Variants in FCHSD2 observed in about 807,000 individuals in gnomAD.
FCHSD2 encodes the protein FCH and double SH3 domains 2.
Under a neutral mutation model 108.1 loss-of-function variants are expected in FCHSD2, and 38 were observed. The observed-to-expected ratio is 0.35, with a 90% CI of 0.27 to 0.46. The LOEUF is 0.46. Among genes scored for constraint, FCHSD2 ranks in the 20% least tolerant of loss-of-function variants. The pLI is 1.00. For missense variants in FCHSD2, 751 were observed against 897.8 expected, an observed-to-expected ratio of 0.84 and a Z score of 2.09; for synonymous variants, 279 against 314.7, an observed-to-expected ratio of 0.89 and a Z score of 1.20.
At chr11:73,106,417 A>G (rs191184885) in intron 2 of FCHSD2, among the ~76,000 whole-genome samples, 6 of 151,928 alleles carry the variant, frequency 3.9e-5, no homozygotes, top group Middle Eastern at 3.4e-3. Flanking sequence ...AAAAAAAAAA[A>G]AAAAAGAAAA....
chr11:73,083,099 G>A (rs1291210090), intron 3 of FCHSD2, among the ~76,000 whole-genome samples: 3 of 152,196 alleles, frequency 2.0e-5, no homozygotes, highest in Admixed American at 2.0e-4. Flanking sequence ...AGAGAATGGG[G>A]CATATAAAGA....
At chr11:73,092,810 ATACAG>A (rs1262567012) in intron 2 of FCHSD2, among the ~76,000 whole-genome samples, 1 of 152,182 alleles carries the variant, frequency 6.6e-6, no homozygotes, top group African/African-American at 2.4e-5. Flanking sequence ...GCATCGGAGT[ATACAG>A]TAAAGGATTA....
chr11:73,093,255 C>G (rs1859998425), intron 2 of FCHSD2, among the ~76,000 whole-genome samples: 1 of 152,174 alleles, frequency 6.6e-6, no homozygotes, highest in Admixed American at 6.5e-5. Flanking sequence ...CACCTCTTCC[C>G]TTGGCTGATT....
intron 10 of FCHSD2, among the ~76,000 whole-genome samples, chr11:72,897,291 G>A (rs1322485299): frequency 2.1e-5 from 3 of 146,178 alleles, no homozygotes; most frequent in South Asian, 2.2e-4. Context: ...TCAACCAACC[G>A]TGGATCAAAA....
chr11:73,129,329 G>T (rs1860936623), intron 2 of FCHSD2, among the ~76,000 whole-genome samples: 1 of 152,182 alleles, frequency 6.6e-6, no homozygotes, highest in Admixed American at 6.5e-5. Flanking sequence ...GGCCTGTTAG[G>T]AACTGGGACA....
intron 8 of FCHSD2, among the ~76,000 whole-genome samples, chr11:72,955,657 C>T (rs1856698587): frequency 6.6e-6 from 1 of 152,128 alleles, no homozygotes; most frequent in Admixed American, 6.5e-5. Flanking sequence ...TCCTATGACC[C>T]AGGAAACTCC....
chr11:73,133,015 A>G (rs1861039540), intron 2 of FCHSD2, among the ~76,000 whole-genome samples: 1 of 152,228 alleles, frequency 6.6e-6, no homozygotes, highest in South Asian at 2.1e-4. Flanking sequence ...ACATGAAAAA[A>G]TGCTCACCAT....
intron 8 of FCHSD2, among the ~76,000 whole-genome samples, chr11:72,959,605 G>A (rs1232237476): frequency 6.6e-6 from 1 of 152,078 alleles, no homozygotes; most frequent in Non-Finnish European, 1.5e-5. Flanking sequence ...TCTACAGTCA[G>A]TCAGGTGCCA....
At chr11:73,021,689 C>A (rs1858109104) in intron 3 of FCHSD2, among the ~76,000 whole-genome samples, 3 of 151,984 alleles carry the variant, frequency 2.0e-5, no homozygotes, top group Non-Finnish European at 4.4e-5. Flanking sequence ...CAAACCTGTA[C>A]ATGTTACCCA....
chr11:72,974,358 G>A (rs976682446), intron 8 of FCHSD2, among the ~76,000 whole-genome samples: 1 of 152,158 alleles, frequency 6.6e-6, no homozygotes, highest in Non-Finnish European at 1.5e-5. Flanking sequence ...TCACAACAAT[G>A]GCAATAATCC....
intron 2 of FCHSD2, among the ~76,000 whole-genome samples, chr11:73,139,110 G>C (rs1861187970): frequency 6.6e-6 from 1 of 152,080 alleles, no homozygotes. Context: ...CTAAATATAG[G>C]AGAGGAAAAA....
intron 2 of FCHSD2, among the ~76,000 whole-genome samples, chr11:73,128,398 T>C (rs1619988): frequency 6.6e-6 from 1 of 152,238 alleles, no homozygotes; most frequent in East Asian, 1.9e-4. Flanking sequence ...CTACCTTTTT[T>C]GTTTGTTGGC....
At chr11:73,002,669 T>C (rs1243073866) in intron 4 of FCHSD2, among the ~76,000 whole-genome samples, 2 of 152,208 alleles carry the variant, frequency 1.3e-5, no homozygotes, top group African/African-American at 4.8e-5. Context: ...CCTTCATCCA[T>C]GTTCTTCTCT....
Position 73,038,347 on chromosome 11 carries a change from GAAAA to G in FCHSD2, c.166-22466_166-22463del, listed in dbSNP as rs112268354. Among the ~76,000 whole-genome samples, 5 of 99,334 alleles carry G rather than the reference GAAAA, an allele frequency of 5.0e-5. No individual in the cohort carries two copies. The East Asian group carries it at 1.5e-3, about 29-fold the overall frequency. The allele number at this position is 99,334 out of a possible 152,430, so 65.2% of individuals were successfully genotyped here. A position where few individuals can be genotyped will look rare whatever the true frequency, so the allele number is the denominator to read the frequency against. On this transcript the variant is annotated intron_variant, in intron 3 of 19. Coordinates refer to ENST00000409418, the MANE Select transcript of FCHSD2 (RefSeq NM_014824.3). The stretch of plus-strand genomic sequence containing the variant: ...ACAGAGTAAGACCCTGTCTCTTTAA[GAAAA>G]AAAAAAAAAAAGGAAAAGAAATTCT...
intron 3 of FCHSD2, among the ~76,000 whole-genome samples, chr11:73,065,805 A>G (rs894969709): frequency 1.3e-5 from 2 of 152,216 alleles, no homozygotes; most frequent in Non-Finnish European, 2.9e-5. Context: ...AGGGATGTGA[A>G]GGACCTCTTC....
chr11:72,995,912 A>T (rs1424600674), intron 5 of FCHSD2, among the ~76,000 whole-genome samples: 1 of 152,164 alleles, frequency 6.6e-6, no homozygotes, highest in Non-Finnish European at 1.5e-5. Flanking sequence ...TTAAAAAGTT[A>T]ATTTTTACTG....
At chr11:72,993,101 T>C (rs1297279461) in intron 5 of FCHSD2, among the ~76,000 whole-genome samples, 1 of 151,960 alleles carries the variant, frequency 6.6e-6, no homozygotes, top group Non-Finnish European at 1.5e-5. Flanking sequence ...GGGCAAAGGA[T>C]ATGAACAGAC....
intron 2 of FCHSD2, among the ~76,000 whole-genome samples, chr11:73,084,586 T>G (rs1292549930): frequency 2.6e-5 from 4 of 151,904 alleles, no homozygotes; most frequent in Non-Finnish European, 4.4e-5. Flanking sequence ...AGAGATGGAG[T>G]CTTGATATGT....
intron 2 of FCHSD2, among the ~76,000 whole-genome samples, chr11:73,091,447 G>A (rs762372550): frequency 7.9e-5 from 12 of 152,144 alleles, no homozygotes; most frequent in Non-Finnish European, 1.8e-4. Context: ...TACATGGGAG[G>A]CTGAGGCAGG....
Sources: allele counts gnomAD v4.1 joint callset (sites outside exome capture counted in the v4.1 genomes callset), GRCh38; gene constraint gnomAD v4.1.1; transcripts MANE v1.5; gene names NCBI Gene and HGNC (gene_info 2026-07-23, HGNC 2026-07-21).